Variants in ELN observed in about 807,000 individuals in gnomAD.
ELN encodes elastin.
In ELN, 65 loss-of-function variants were observed where a neutral mutation model predicts 105.8. That is an observed-to-expected ratio of 0.61 (90% CI 0.50 to 0.75). The LOEUF is 0.75. Ranked by LOEUF, ELN falls within the 30% of genes least tolerant of loss-of-function variation. The pLI is 0.00. For missense variants in ELN, 882 were observed against 969.4 expected (o/e 0.91, Z 1.20); for synonymous variants, 368 against 389.2 (o/e 0.95, Z 0.64).
In ELN at chr7:74,065,798, C is replaced by T. The variant is rs529972227; in HGVS notation, c.2032+66C>T. 13 of 1,611,206 alleles carry T rather than the reference C, an allele frequency of 8.1e-6. No individual in the cohort carries two copies. The African/African-American group carries it at 1.3e-4, about 17-fold the overall frequency. On this transcript the variant is annotated intron_variant, in intron 30 of 32. Coordinates refer to ENST00000252034, the MANE Select transcript of ELN (RefSeq NM_000501.4). ...CCCCTGCCATGCCCATCGCCACCCTCCCCCAGCCCAGCTCAGGCCTCCCTC... is the reference window on the plus strand; with the variant it reads ...CCCCTGCCATGCCCATCGCCACCCTTCCCCAGCCCAGCTCAGGCCTCCCTC...
At chr7:74,060,541 T>C (rs1554683766) in intron 25 of ELN, 40 bp downstream of exon 25, 2 of 1,613,982 alleles carry the variant, frequency 1.2e-6, no homozygotes, top group East Asian at 2.2e-5. Flanking sequence ...TCCCCTGAGC[T>C]CAGGGAAGGA....
Position 74,057,653 on chromosome 7 carries a change from A to G in ELN, c.1371A>G (p.Pro457=). ...TCACACCTCCAGGAGTGGGGACCCC[A>G]GCAGCTGCAGCTGCTAAAGCAGCCG... is the stretch of plus-strand genomic sequence containing the variant. ...AKAAKYGVGT[P]AAAAAKAAAK... is the part of the protein sequence containing the mutation. The change falls in exon 22 of 33, where the codon CCA becomes CCG. Residue 457 remains proline (P), a synonymous_variant. Transcript: ENST00000252034. The G allele has an allele frequency of 6.2e-7, 1 of 1,613,940 alleles. No individual in the cohort carries two copies. The highest frequency in any genetic ancestry group is 1.3e-5 in the African/African-American group (1 of 75,048).
In ELN at chr7:74,045,244, G is replaced by A; in HGVS notation, c.492G>A (p.Gly164=). The part of the protein sequence containing the change: ...VLPGARFPGV[G]VLPGVPTGAG... ...CAGGAGCTCGGTTCCCCGGTGTGGG[G>A]GTGCTCCCTGGAGTTCCCACTGGAG... Residue 164 remains glycine (G), a synonymous_variant, in exon 10 of 33, where the codon GGG becomes GGA. Coordinates refer to ENST00000252034, the MANE Select transcript of ELN (RefSeq NM_000501.4). 1 of 1,614,128 alleles carries A rather than the reference G, an allele frequency of 6.2e-7. No homozygotes were observed. The highest frequency in any genetic ancestry group is 1.1e-5 in the South Asian group (1 of 91,088).
At chr7:74,028,293 C>T (rs1554660186) in intron 1 of ELN, 24 bp downstream of exon 1, 2 of 1,597,866 alleles carry the variant, frequency 1.3e-6, no homozygotes, top group Admixed American at 3.4e-5. Flanking sequence ...GCCCCTGTCC[C>T]CAGCGCTGCC....
In ELN at chr7:74,056,677, G is replaced by A. The variant is rs369925752; in HGVS notation, c.1321G>A (p.Ala441Thr). The stretch of plus-strand genomic sequence containing the variant: ...TCTTTCTCGTTTCCTTGTAGCCGAA[G>A]CTCAGGCAGCAGCTGCCGCCAAGGC... ...GVPGVGISPE[A>T]QAAAAAKAAK... Residue 441 changes from alanine (A) to threonine (T), a missense_variant, in exon 21 of 33, where the codon GCT (alanine) becomes ACT (threonine). By Grantham distance (58) the Ala-to-Thr change is moderately conservative. Transcript: ENST00000252034. 1.2e-6 allele frequency: 2 copies of A among 1,613,716 alleles called. No homozygotes were observed. The highest frequency in any genetic ancestry group is 1.7e-6 in the Non-Finnish European group (2 of 1,180,034).
chr7:74,060,719 A>G, intron 25 of ELN: 1 of 1,269,848 alleles, frequency 7.9e-7, no homozygotes, highest in South Asian at 1.4e-5. Flanking sequence ...CTGCCTCCTC[A>G]GTAGAGGGGT....
intron 17 of ELN, chr7:74,052,605 AAGAG>A (rs1794285142): frequency 1.2e-5 from 2 of 171,862 alleles, no homozygotes; most frequent in Non-Finnish European, 2.5e-5. Flanking sequence ...GAGAGACAGA[AAGAG>A]AGAGACAGGA....
At chr7:74,034,191 A>C (rs1230940242) in intron 1 of ELN, among the ~76,000 whole-genome samples, 2 of 152,288 alleles carry the variant, frequency 1.3e-5, no homozygotes, top group East Asian at 3.9e-4. Flanking sequence ...CGCTGACCTC[A>C]CGCCGTCCTA....
chr7:74,030,219 G>A (rs1788356640), intron 1 of ELN, among the ~76,000 whole-genome samples: 1 of 152,200 alleles, frequency 6.6e-6, no homozygotes, highest in South Asian at 2.1e-4. Flanking sequence ...GCCAACACAG[G>A]GAGTGGAGCG....
intron 4 of ELN, among the ~76,000 whole-genome samples, chr7:74,038,305 CCTGACCCTG>C (rs1451533717): frequency 6.6e-6 from 1 of 152,214 alleles, no homozygotes; most frequent in Non-Finnish European, 1.5e-5. Context: ...CAGGCTGAAC[CCTGACCCTG>C]CTGACCCTGG....
intron 17 of ELN, chr7:74,052,830 A>C: frequency 3.1e-6 from 1 of 318,982 alleles, no homozygotes. Flanking sequence ...GAAAAGAGGG[A>C]GGGAGGGAGA....
chr7:74,036,224 G>A (rs147892923), intron 2 of ELN, among the ~76,000 whole-genome samples: 2 of 152,054 alleles, frequency 1.3e-5, no homozygotes, highest in African/African-American at 4.8e-5. Flanking sequence ...AACCCAGGAG[G>A]CGGAGCTTAC....
At chr7:74,048,379 A>T in intron 14 of ELN, 124 bp from the exon 15 acceptor site, 1 of 1,518,128 alleles carries the variant, frequency 6.6e-7, no homozygotes, top group Non-Finnish European at 9.1e-7. Context: ...GCCTCTGCCT[A>T]CTCTGAAGCT....
rs782522787 is a variant in ELN, at chr7:74,045,231, T to G, written c.479T>G (p.Phe160Cys). The change falls in exon 10 of 33, where the codon TTC (phenylalanine) becomes TGC (cysteine). Residue 160 changes from phenylalanine (F) to cysteine (C), a missense_variant. Physicochemically the swap from Phe to Cys is radical, Grantham distance 205. Transcript: ENST00000252034. ...CTTTGTCCCCCGGCAGGAGCTCGGT[T>G]CCCCGGTGTGGGGGTGCTCCCTGGA... ...YPGGVLPGAR[F>C]PGVGVLPGVP... 1 of 1,614,098 alleles carries G rather than the reference T, an allele frequency of 6.2e-7. No individual in the cohort carries two copies. The highest frequency in any genetic ancestry group is 8.5e-7 in the Non-Finnish European group (1 of 1,180,028).
intron 11 of ELN, 143 bp downstream of exon 11, chr7:74,046,360 A>G: frequency 8.3e-7 from 1 of 1,200,570 alleles, no homozygotes; most frequent in South Asian, 1.3e-5. Context: ...TGGCTGTAGC[A>G]CAAAGTGGCA....
chr7:74,060,055 T>C lies in ELN; in HGVS notation c.1576+8T>C. On this transcript the variant is annotated splice_region_variant and intron_variant, in intron 23 of 32. Coordinates refer to ENST00000252034, the MANE Select transcript of ELN (RefSeq NM_000501.4). Reference sequence around the variant, plus strand: ...GCCCTGGTGGAGTTGCAGGTGAGTTTCATGAGTCAATGAGCCTGAGGGGCC... The same window carrying C: ...GCCCTGGTGGAGTTGCAGGTGAGTTCCATGAGTCAATGAGCCTGAGGGGCC... 6.2e-7 allele frequency: 1 copy of C among 1,614,064 alleles called. No homozygotes were observed. Among genetic ancestry groups the C allele is most frequent in the Non-Finnish European group, 8.5e-7 (1 of 1,179,990 alleles).
At chr7:74,043,337 G>C (rs1249772010) in intron 8 of ELN, 169 bp downstream of exon 8, 1 of 1,053,068 alleles carries the variant, frequency 9.5e-7, no homozygotes, top group Admixed American at 2.0e-5. Context: ...AAATGGGGAG[G>C]AGGGGCCTGG....
In ELN at chr7:74,056,389, C is replaced by T. The variant is rs61734583; in HGVS notation, c.1269C>T (p.Val423=). Residue 423 remains valine, a synonymous_variant, in exon 20 of 33, where the codon GTC becomes GTT. Transcript: ENST00000252034. ...CTGGAGTCGCAGGTGTCCCTGGTGT[C>T]GGAGGTGTTCCCGGAGTCGGAGGTG... ...GIPGVAGVPG[V]GGVPGVGGVP... 579 of 1,613,340 alleles carry T rather than the reference C, an allele frequency of 3.6e-4. 2 individuals are homozygous for T. In the African/African-American group the frequency reaches 7.0e-3, roughly 20 times the overall value.
intron 10 of ELN, chr7:74,045,733 C>T (rs782371212): frequency 1.4e-4 from 42 of 300,428 alleles, no homozygotes; most frequent in Non-Finnish European, 2.5e-4. Context: ...ACAGAGACCC[C>T]GTTCCCCCGC....
Sources: allele counts gnomAD v4.1 joint callset (sites outside exome capture counted in the v4.1 genomes callset), GRCh38; gene constraint gnomAD v4.1.1; transcripts MANE v1.5; gene names NCBI Gene and HGNC (gene_info 2026-07-23, HGNC 2026-07-21).